Variants in MICOS10 observed in about 807,000 individuals in gnomAD.
MICOS10 encodes the protein mitochondrial contact site and cristae organizing system subunit 10.
Under a neutral mutation model 13.4 loss-of-function variants are expected in MICOS10, and 5 were observed. The ratio of observed to expected loss-of-function variants is 0.37; its 90% CI spans 0.20 to 0.78. MICOS10 has a LOEUF of 0.78. Among genes scored for constraint, MICOS10 ranks in the 30% least tolerant of loss-of-function variants. MICOS10 has a pLI of 0.47. For synonymous variants in MICOS10, 35 were observed against 33.6 expected (o/e 1.04, Z -0.15); for missense variants, 101 against 94.6 (o/e 1.07, Z -0.28).
intron 1 of MICOS10, among the ~76,000 whole-genome samples, chr1:19,604,815 G>A (rs867077190): frequency 6.6e-6 from 1 of 152,286 alleles, no homozygotes; most frequent in South Asian, 2.1e-4. Context: ...TGAAAAGGAT[G>A]AGGGACATTT....
intron 3 of MICOS10, 119 bp from the exon 4 acceptor site, chr1:19,626,268 G>A (rs1353379884): frequency 1.8e-5 from 21 of 1,188,074 alleles, no homozygotes; most frequent in South Asian, 2.5e-5. Flanking sequence ...CAGTTTTAAC[G>A]TAAACAGTGT....
chr1:19,608,654 C>T (rs759676928), intron 1 of MICOS10: 3 of 641,754 alleles, frequency 4.7e-6, no homozygotes, highest in Non-Finnish European at 8.3e-6. Context: ...AGAGAAAATC[C>T]TTTGTGACCT....
At chr1:19,609,690 C>T (rs1296869407) in intron 1 of MICOS10, among the ~76,000 whole-genome samples, 1 of 152,200 alleles carries the variant, frequency 6.6e-6, no homozygotes, top group African/African-American at 2.4e-5. Context: ...AACATGAATA[C>T]ATTTCAGAAT....
chr1:19,606,742 C>CT (rs2094836158), intron 1 of MICOS10, among the ~76,000 whole-genome samples: 1 of 146,012 alleles, frequency 6.8e-6, no homozygotes, highest in Non-Finnish European at 1.5e-5. Flanking sequence ...CAAGAAGGCT[C>CT]TGTCTCCAAA....
At chr1:19,615,203 T>A (rs534450244) in intron 1 of MICOS10, among the ~76,000 whole-genome samples, 1 of 152,374 alleles carries the variant, frequency 6.6e-6, no homozygotes, top group East Asian at 1.9e-4. Context: ...CTTATTTCTC[T>A]CTGACCCTTG....
rs543473935 is a variant in MICOS10 at position 19,620,940 on chromosome 1, T to A, written c.65-1160T>A. On this transcript the variant is annotated intron_variant, in intron 1 of 3. Transcript: ENST00000322753. The stretch of plus-strand genomic sequence containing the variant: ...GGCTTTTGATTTCTTTGCCAAAAAA[T>A]TGCCTCCAGATGGAGAAGAGCAAAA... Among the ~76,000 whole-genome samples, 3 of 152,324 alleles carry A rather than the reference T, an allele frequency of 2.0e-5. No individual in the cohort carries two copies. In the East Asian group the frequency reaches 5.8e-4, roughly 29 times the overall value.
At chr1:19,601,146 T>C (rs1378217993) in intron 1 of MICOS10, 1 of 501,414 alleles carries the variant, frequency 2.0e-6, no homozygotes, top group African/African-American at 2.0e-5. Context: ...TAGGCAGTGG[T>C]CCTTTAAAAA....
intron 3 of MICOS10, among the ~76,000 whole-genome samples, chr1:19,624,169 G>A (rs556736958): frequency 6.6e-6 from 1 of 152,136 alleles, no homozygotes; most frequent in East Asian, 1.9e-4. Context: ...TAGTAGAGAC[G>A]GAGCTTCACC....
chr1:19,609,778 T>G lies in MICOS10; in HGVS notation c.65-12322T>G, dbSNP rs2094851764. ...CTATTTACATATTTACATACGAATT[T>G]CTAGGAAATACAAACCAATCTAATG... On this transcript the variant is annotated intron_variant, in intron 1 of 3. Coordinates refer to ENST00000322753, the MANE Select transcript of MICOS10 (RefSeq NM_001032363.4). Among the ~76,000 whole-genome samples the G allele has an allele frequency of 2.6e-5, 4 of 152,170 alleles. No homozygotes were observed. In the South Asian group the frequency reaches 8.3e-4, roughly 32 times the overall value.
intron 1 of MICOS10, among the ~76,000 whole-genome samples, chr1:19,618,901 A>C (rs1349668655): frequency 6.6e-6 from 1 of 152,236 alleles, no homozygotes; most frequent in African/African-American, 2.4e-5. Context: ...AGTTATACAA[A>C]ATAAAATGGA....
At chr1:19,605,020 C>G (rs915960145) in intron 1 of MICOS10, among the ~76,000 whole-genome samples, 10 of 152,204 alleles carry the variant, frequency 6.6e-5, no homozygotes, top group African/African-American at 2.4e-4. Flanking sequence ...ACATCATTAT[C>G]TCATATCCTT....
chr1:19,598,327 G>T (rs1354388887), intron 1 of MICOS10: 1 of 152,146 alleles, frequency 6.6e-6, no homozygotes, highest in Non-Finnish European at 1.5e-5. Context: ...TTTGTTTAAA[G>T]GCTTGAATAT....
Position 19,608,455 on chromosome 1 carries a change from G to C in MICOS10, c.64+11346G>C, listed in dbSNP as rs747012579. On this transcript the variant is annotated intron_variant, in intron 1 of 3. Coordinates refer to ENST00000322753, the MANE Select transcript of MICOS10 (RefSeq NM_001032363.4). ...AGACCCTTGGACCTGGGGCCCAGTC[G>C]GCCCTCAGAGCCCTTGCCTGCTCGG... is the stretch of plus-strand genomic sequence containing the variant. 17 of 1,277,408 alleles carry C rather than the reference G, an allele frequency of 1.3e-5. No homozygotes were observed. The East Asian group carries it at 3.9e-4, about 30-fold the overall frequency. 79.1% of individuals were successfully genotyped at this position (1,277,408 alleles called of 1,614,324 possible). A position where few individuals can be genotyped will look rare whatever the true frequency, so the allele number is the denominator to read the frequency against.
chr1:19,622,920 CTTTTTTT>C (rs373297142), intron 2 of MICOS10, among the ~76,000 whole-genome samples: 72 of 131,908 alleles, frequency 5.5e-4, no homozygotes, highest in Admixed American at 1.6e-3. Flanking sequence ...TATTTTACTA[CTTTTTTT>C]TTTTTTTTTT....
At chr1:19,608,642 T>G in intron 1 of MICOS10, 1 of 674,492 alleles carries the variant, frequency 1.5e-6, no homozygotes, top group Non-Finnish European at 2.6e-6. Context: ...GTGAAACCTG[T>G]AAGAGAAAAT....
chr1:19,608,144 G>A (rs748113272), intron 1 of MICOS10: 2 of 1,199,388 alleles, frequency 1.7e-6, no homozygotes, highest in Non-Finnish European at 2.5e-6. Flanking sequence ...GGAAAAGAAG[G>A]AAGAACAGGT....
rs148136585 is a variant in MICOS10, at chr1:19,621,094, C to T, written c.65-1006C>T. On this transcript the variant is annotated intron_variant, in intron 1 of 3. Coordinates refer to ENST00000322753, the MANE Select transcript of MICOS10 (RefSeq NM_001032363.4). ...ACCAATTTACTGTCTTACTCATCTT[C>T]CAGCTGCAAGGAGTGAGGCAAGTCG... 1.5e-4 allele frequency among the ~76,000 whole-genome samples: 23 copies of T among 152,324 alleles called. No homozygotes were observed. The East Asian group carries it at 4.2e-3, about 28-fold the overall frequency.
chr1:19,622,171 A>G (rs767516435), intron 2 of MICOS10, 24 bp downstream of exon 2: 3 of 1,581,396 alleles, frequency 1.9e-6, no homozygotes, highest in Non-Finnish European at 2.6e-6. Flanking sequence ...TGTCTTTTCA[A>G]CATAATGTCA....
At chr1:19,600,356 C>T (rs2094809272) in intron 1 of MICOS10, among the ~76,000 whole-genome samples, 1 of 152,078 alleles carries the variant, frequency 6.6e-6, no homozygotes, top group Non-Finnish European at 1.5e-5. Context: ...TAGTCTGAGT[C>T]GTCTTTGAAA....
Sources: allele counts gnomAD v4.1 joint callset (sites outside exome capture counted in the v4.1 genomes callset), GRCh38; gene constraint gnomAD v4.1.1; transcripts MANE v1.5; gene names NCBI Gene and HGNC (gene_info 2026-07-23, HGNC 2026-07-21).